The following CDH13 variants were observed in gnomAD, a reference collection of about 807,000 sequenced individuals.
CDH13 encodes cadherin 13, also known as cadherin-13.
Under a neutral mutation model 63.8 loss-of-function variants are expected in CDH13, and 24 were observed. The observed-to-expected ratio is 0.38, with a 90% CI of 0.27 to 0.53. CDH13 has a LOEUF of 0.53. Among genes scored for constraint, CDH13 ranks in the 20% least tolerant of loss-of-function variants. CDH13 has a pLI of 0.85. For synonymous variants in CDH13, 503 were observed against 355.3 expected (o/e 1.42, Z -4.67); for missense variants, 1,049 against 903.1 (o/e 1.16, Z -2.07).
At chr16:83,282,131 A>G in intron 5 of CDH13, among the ~76,000 whole-genome samples, 1 of 152,184 alleles carries the variant, frequency 6.6e-6, no homozygotes, top group East Asian at 1.9e-4. Context: ...CAGTCAGAGC[A>G]TACACCACAT....
chr16:83,677,625 A>C (rs1915068389), intron 9 of CDH13, among the ~76,000 whole-genome samples: 1 of 152,214 alleles, frequency 6.6e-6, no homozygotes, highest in Non-Finnish European at 1.5e-5. Flanking sequence ...AGGGACATAG[A>C]GACCCTTTAA....
At chr16:83,268,734 T>C (rs1002282857) in intron 5 of CDH13, among the ~76,000 whole-genome samples, 9 of 152,196 alleles carry the variant, frequency 5.9e-5, no homozygotes. Context: ...GTGATTGATG[T>C]TGAGAAATAG....
intron 1 of CDH13, among the ~76,000 whole-genome samples, chr16:82,851,035 C>T (rs181692051): frequency 9.2e-5 from 14 of 152,214 alleles, no homozygotes; most frequent in Admixed American, 2.6e-4. Flanking sequence ...GCAGTATCTC[C>T]GAGGGATGCC....
chr16:82,643,771 C>G (rs1435343663), intron 1 of CDH13, among the ~76,000 whole-genome samples: 1 of 152,126 alleles, frequency 6.6e-6, no homozygotes, highest in Admixed American at 6.5e-5. Flanking sequence ...AAGACAGGGT[C>G]TTTCTCTGTT....
chr16:83,357,653 G>C (rs191720189), intron 6 of CDH13, among the ~76,000 whole-genome samples: 20 of 152,272 alleles, frequency 1.3e-4, no homozygotes, highest in African/African-American at 4.8e-4. Flanking sequence ...CCAAGGTCAA[G>C]GACTGGTAAA....
chr16:82,954,878 A>C (rs1433034900), intron 2 of CDH13: 1 of 152,118 alleles, frequency 6.6e-6, no homozygotes, highest in Non-Finnish European at 1.5e-5. Context: ...ATAGAAACTG[A>C]ATATAATATC....
At chr16:83,082,773 C>T (rs1393731963) in intron 3 of CDH13, among the ~76,000 whole-genome samples, 1 of 152,162 alleles carries the variant, frequency 6.6e-6, no homozygotes, top group Non-Finnish European at 1.5e-5. Flanking sequence ...AGAGATTTGG[C>T]ATAAGAAAAA....
chr16:83,209,933 G>A (rs1188975030), intron 4 of CDH13, among the ~76,000 whole-genome samples: 3 of 152,152 alleles, frequency 2.0e-5, no homozygotes, highest in Admixed American at 6.5e-5. Context: ...CTAAAGAAAG[G>A]CACAGCTCAG....
chr16:83,335,149 G>C (rs181094626), intron 5 of CDH13, among the ~76,000 whole-genome samples: 2 of 152,210 alleles, frequency 1.3e-5, no homozygotes, highest in Non-Finnish European at 2.9e-5. Context: ...AAAAATCTTT[G>C]TGGGCTTATT....
chr16:82,743,123 T>C (rs1007375618), intron 1 of CDH13, among the ~76,000 whole-genome samples: 1 of 152,250 alleles, frequency 6.6e-6, no homozygotes, highest in African/African-American at 2.4e-5. Context: ...ATTTTTATTT[T>C]GGAAATGATT....
At chr16:83,357,441 C>T (rs182385882) in intron 6 of CDH13, among the ~76,000 whole-genome samples, 1 of 152,214 alleles carries the variant, frequency 6.6e-6, no homozygotes, top group Admixed American at 6.5e-5. Flanking sequence ...CTTTGGAAAC[C>T]ACGTTTGATG....
At chr16:83,656,551 T>C (rs1243940807) in intron 8 of CDH13, among the ~76,000 whole-genome samples, 1 of 152,156 alleles carries the variant, frequency 6.6e-6, no homozygotes, top group Non-Finnish European at 1.5e-5. Flanking sequence ...GAGCTGCCAT[T>C]GCCCAAGCTG....
At chr16:83,442,736 T>C (rs951666260) in intron 6 of CDH13, among the ~76,000 whole-genome samples, 9 of 152,230 alleles carry the variant, frequency 5.9e-5, no homozygotes, top group Non-Finnish European at 1.0e-4. Context: ...AACAGTGATA[T>C]CAGAATGTTA....
chr16:82,815,562 C>A (rs114090932), intron 1 of CDH13, among the ~76,000 whole-genome samples: 76 of 152,196 alleles, frequency 5.0e-4, no homozygotes, highest in African/African-American at 1.7e-3. Flanking sequence ...TCATTAAAGC[C>A]CACTGCTCTC....
At chr16:83,773,105 G>C (rs1442737290) in intron 11 of CDH13, among the ~76,000 whole-genome samples, 1 of 152,190 alleles carries the variant, frequency 6.6e-6, no homozygotes, top group African/African-American at 2.4e-5. Flanking sequence ...CACAGAGACT[G>C]AGAGACAGAG....
At chr16:82,765,567 G>A (rs141377938) in intron 1 of CDH13, among the ~76,000 whole-genome samples, 3 of 152,276 alleles carry the variant, frequency 2.0e-5, no homozygotes, top group African/African-American at 7.2e-5. Context: ...AATCTACATT[G>A]TGCACGGGTA....
intron 5 of CDH13, among the ~76,000 whole-genome samples, chr16:83,225,909 C>T (rs1013862532): frequency 1.3e-5 from 2 of 152,070 alleles, no homozygotes; most frequent in African/African-American, 4.8e-5. Flanking sequence ...GAATATCAAG[C>T]GAGACAATGC....
At chr16:83,238,831 A>G (rs892878933) in intron 5 of CDH13, among the ~76,000 whole-genome samples, 4 of 152,190 alleles carry the variant, frequency 2.6e-5, no homozygotes, top group African/African-American at 7.2e-5. Flanking sequence ...TCTCCAAGTC[A>G]TGGAGAACTT....
At chr16:82,715,766 C>T (rs144768972) in intron 1 of CDH13, among the ~76,000 whole-genome samples, 9 of 152,188 alleles carry the variant, frequency 5.9e-5, no homozygotes, top group South Asian at 2.1e-4. Flanking sequence ...CACGAAGCAG[C>T]GATGATGGGG....
Sources: gnomAD v4.1 joint callset for allele counts (sites outside exome capture counted in the v4.1 genomes callset) on GRCh38, gnomAD v4.1.1 for gene constraint, MANE v1.5 for transcripts, NCBI Gene and HGNC (gene_info 2026-07-23, HGNC 2026-07-21) for gene names.